Variants in JAKMIP2 observed in about 807,000 individuals in gnomAD.
JAKMIP2 encodes janus kinase and microtubule interacting protein 2.
JAKMIP2 carries 25 observed loss-of-function variants against 115.0 expected under a neutral mutation model. The observed-to-expected ratio is 0.22, with a 90% CI of 0.16 to 0.30. The LOEUF is 0.30. Among genes scored for constraint, JAKMIP2 ranks in the 10% least tolerant of loss-of-function variants. The pLI is 1.00. For missense variants in JAKMIP2, 642 were observed against 957.6 expected, an observed-to-expected ratio of 0.67 and a Z score of 4.35; for synonymous variants, 334 against 343.6, an observed-to-expected ratio of 0.97 and a Z score of 0.31.
At chr5:147,654,082 G>T (rs982952536) in intron 3 of JAKMIP2, among the ~76,000 whole-genome samples, 4 of 151,914 alleles carry the variant, frequency 2.6e-5, no homozygotes, top group Non-Finnish European at 5.9e-5. Flanking sequence ...ATCTGTTTTG[G>T]TACCAGTACT....
chr5:147,768,394 C>A (rs1047363305), intron 1 of JAKMIP2, among the ~76,000 whole-genome samples: 5 of 152,140 alleles, frequency 3.3e-5, no homozygotes, highest in Non-Finnish European at 7.4e-5. Flanking sequence ...AAACTTAATT[C>A]TTCATTGTAT....
chr5:147,641,822 T>C, intron 7 of JAKMIP2, 58 bp from the exon 8 acceptor site: 1 of 1,389,198 alleles, frequency 7.2e-7, no homozygotes, highest in South Asian at 1.2e-5. Context: ...CTTTATAGTT[T>C]TTTGCAAAGA....
At chr5:147,612,238 A>T in intron 20 of JAKMIP2, 68 bp downstream of exon 20, 1 of 1,055,390 alleles carries the variant, frequency 9.5e-7, no homozygotes, top group Non-Finnish European at 1.5e-6. Context: ...AAGAAAATAC[A>T]GTGAGCAAAA....
At chr5:147,674,524 T>C (rs949370912) in intron 1 of JAKMIP2, among the ~76,000 whole-genome samples, 2 of 151,910 alleles carry the variant, frequency 1.3e-5, no homozygotes, top group African/African-American at 4.8e-5. Context: ...AGAGACGAGG[T>C]GAGATTTCGA....
chr5:147,701,243 G>C (rs948355897), intron 1 of JAKMIP2, among the ~76,000 whole-genome samples: 3 of 152,080 alleles, frequency 2.0e-5, no homozygotes, highest in African/African-American at 7.2e-5. Context: ...AAATTACTTT[G>C]TGATCAGATA....
intron 1 of JAKMIP2, among the ~76,000 whole-genome samples, chr5:147,716,677 CT>C (rs1239380492): frequency 3.4e-5 from 5 of 149,188 alleles, no homozygotes; most frequent in African/African-American, 9.8e-5. Context: ...CCTTCGCCCA[CT>C]TTTTGATGGG....
At chr5:147,595,895 AT>A (rs1488349194) in intron 21 of JAKMIP2, among the ~76,000 whole-genome samples, 1 of 152,224 alleles carries the variant, frequency 6.6e-6, no homozygotes, top group Non-Finnish European at 1.5e-5. Context: ...AATTAAAAAA[AT>A]GTGTATTTAT....
chr5:147,772,439 G>A (rs942864988), intron 1 of JAKMIP2, among the ~76,000 whole-genome samples: 12 of 151,876 alleles, frequency 7.9e-5, no homozygotes, highest in African/African-American at 2.7e-4. Context: ...AGGGGGTGGT[G>A]GGGGGCAGGC....
At chr5:147,748,465 CA>C (rs771593127) in intron 1 of JAKMIP2, among the ~76,000 whole-genome samples, 50 of 152,242 alleles carry the variant, frequency 3.3e-4, no homozygotes, top group African/African-American at 8.4e-4. Flanking sequence ...TCCCTTTTAA[CA>C]AAAAGCAGCC....
chr5:147,723,444 T>C (rs896148927), intron 1 of JAKMIP2, among the ~76,000 whole-genome samples: 2 of 152,186 alleles, frequency 1.3e-5, no homozygotes, highest in African/African-American at 4.8e-5. Flanking sequence ...TATGTTCTAT[T>C]ACAATTTTTT....
intron 1 of JAKMIP2, among the ~76,000 whole-genome samples, chr5:147,697,795 C>T (rs1255379393): frequency 6.6e-6 from 1 of 152,216 alleles, no homozygotes; most frequent in African/African-American, 2.4e-5. Context: ...TACAAAAATG[C>T]CTGGATGTCC....
At chr5:147,601,711 C>T in intron 21 of JAKMIP2, 30 bp downstream of exon 21, 1 of 1,472,072 alleles carries the variant, frequency 6.8e-7, no homozygotes, top group Non-Finnish European at 9.1e-7. Flanking sequence ...CCTCTTAGAA[C>T]CACATTTTGA....
chr5:147,694,220 G>GT (rs5872037), intron 1 of JAKMIP2, among the ~76,000 whole-genome samples: 26 of 151,868 alleles, frequency 1.7e-4, no homozygotes, highest in African/African-American at 4.4e-4. Flanking sequence ...AAGATTCCAA[G>GT]TTTTTTTAGA....
At chr5:147,651,942 G>T (rs571984450) in intron 3 of JAKMIP2, among the ~76,000 whole-genome samples, 25 of 152,240 alleles carry the variant, frequency 1.6e-4, no homozygotes, top group African/African-American at 5.8e-4. Context: ...TTATTTGCAG[G>T]TTAACATAGC....
At chr5:147,745,671 TTTC>T (rs973105189) in intron 1 of JAKMIP2, among the ~76,000 whole-genome samples, 1 of 152,230 alleles carries the variant, frequency 6.6e-6, no homozygotes, top group African/African-American at 2.4e-5. Context: ...TGCTCCGTAC[TTTC>T]TTATTTCTTG....
chr5:147,636,256 A>C lies in JAKMIP2; in HGVS notation c.1643T>G (p.Leu548Arg). The C allele has an allele frequency of 6.2e-7, 1 of 1,613,824 alleles. No homozygotes were observed. Among genetic ancestry groups the C allele is most frequent in the Non-Finnish European group, 8.5e-7 (1 of 1,179,794 alleles). Residue 548 changes from leucine (L) to arginine (R), a missense_variant, in exon 12 of 22, where the codon CTT becomes CGT. Transcript: ENST00000616793. Reference protein sequence around the residue: ...QDSHWVEDKQLFIKRNQELLE... With the variant: ...QDSHWVEDKQRFIKRNQELLE... ...AAGCTCCTGGTTTCTCTTAATGAAA[A>C]GTTGTTTATCTTCTACCCAGTGTGA...
chr5:147,658,476 A>G (rs572368133), intron 3 of JAKMIP2, among the ~76,000 whole-genome samples: 1 of 152,332 alleles, frequency 6.6e-6, no homozygotes, highest in South Asian at 2.1e-4. Flanking sequence ...TCTCCCAGTC[A>G]GGAGGCACAG....
intron 1 of JAKMIP2, among the ~76,000 whole-genome samples, chr5:147,751,222 C>A (rs1754541230): frequency 6.6e-6 from 1 of 151,664 alleles, no homozygotes; most frequent in South Asian, 2.1e-4. Flanking sequence ...TAGGCTCGTG[C>A]CGCCAGGCCC....
At position 147,618,097 on chromosome 5, in the gene JAKMIP2, T is replaced by C; in HGVS notation, c.2160A>G (p.Glu720=). Residue 720 remains glutamate, a synonymous_variant, in exon 19 of 22, where the codon GAA becomes GAG. Coordinates refer to ENST00000616793, the MANE Select transcript of JAKMIP2 (RefSeq NM_001270941.2). ...GCTGTAGAGCATTGTACAAAGTAGC[T>C]TCTAGTTCCTGGATTCTCTGGCAAA... The part of the protein sequence containing the change: ...DQAYMRIQEL[E]ATLYNALQQE... The C allele has an allele frequency of 6.2e-7, 1 of 1,613,670 alleles. No homozygotes were observed. The highest frequency in any genetic ancestry group is 8.5e-7 in the Non-Finnish European group (1 of 1,179,530).
Sources: allele counts gnomAD v4.1 joint callset (sites outside exome capture counted in the v4.1 genomes callset), GRCh38; gene constraint gnomAD v4.1.1; transcripts MANE v1.5; gene names NCBI Gene and HGNC (gene_info 2026-07-23, HGNC 2026-07-21).